The following ZFAT variants were observed in gnomAD, a reference collection of about 807,000 sequenced individuals.
ZFAT encodes zinc finger and AT-hook domain containing.
In ZFAT, 64 loss-of-function variants were observed where a neutral mutation model predicts 117.7. The ratio of observed to expected loss-of-function variants is 0.54; its 90% CI spans 0.44 to 0.67. The LOEUF (loss-of-function observed/expected upper bound fraction) is 0.67. Ranked by LOEUF, ZFAT falls within the 30% of genes least tolerant of loss-of-function variation. The probability of loss-of-function intolerance (pLI) is 0.00; values close to 1 mark genes in which losing one functional copy is unlikely to be tolerated. For missense variants in ZFAT, 1,433 were observed against 1,584.5 expected, an observed-to-expected ratio of 0.90 and a Z score of 1.62; for synonymous variants, 679 against 615.0, an observed-to-expected ratio of 1.10 and a Z score of -1.54.
At chr8:134,755,367 CGT>C in the ZFAT span, among the ~76,000 whole-genome samples, 1 of 142,400 alleles carries the variant, frequency 7.0e-6, no homozygotes, top group African/African-American at 2.7e-5. Context: ...GAGCCAAGAT[CGT>C]GTCTCTGCAC....
In ZFAT at chr8:134,655,923, G is replaced by A. The variant is rs143714920; in HGVS notation, c.196+1638C>T. 3.0e-3 allele frequency among the ~76,000 whole-genome samples: 450 copies of A among 151,964 alleles called. 4 individuals carry two copies. The highest frequency in any genetic ancestry group is 0.01 in the African/African-American group (425 of 41,440). ...ACAAAACTTAGCTGGGTGTGGTGGC[G>A]GGCACCTGTAGTCACAGCTGCTCAG... On this transcript the variant is annotated intron_variant, in intron 2 of 15. Coordinates refer to ENST00000377838, the MANE Select transcript of ZFAT (RefSeq NM_020863.4).
chr8:134,588,038 T>C (rs1826193580), intron 9 of ZFAT, among the ~76,000 whole-genome samples: 1 of 152,084 alleles, frequency 6.6e-6, no homozygotes, highest in Non-Finnish European at 1.5e-5. Context: ...TATGAAGGAG[T>C]GCACACCTCT....
intron 7 of ZFAT, among the ~76,000 whole-genome samples, chr8:134,593,142 C>T (rs1407008394): frequency 2.6e-5 from 4 of 152,208 alleles, no homozygotes; most frequent in South Asian, 2.1e-4. Context: ...GGCTGCCTCT[C>T]GGTGCCCGCA....
chr8:134,684,169 G>A (rs945597990), intron 1 of ZFAT, among the ~76,000 whole-genome samples: 2 of 152,094 alleles, frequency 1.3e-5, no homozygotes, highest in South Asian at 2.1e-4. Flanking sequence ...CAGAGGAGAC[G>A]ACCCAGCACC....
chr8:134,736,927 C>T, the ZFAT span, among the ~76,000 whole-genome samples: 28 of 152,184 alleles, frequency 1.8e-4, no homozygotes, highest in African/African-American at 6.5e-4. Context: ...AGAGGTTCTG[C>T]GTAGGCTTTC....
chr8:134,497,209 A>AG (rs2130211919), intron 15 of ZFAT, among the ~76,000 whole-genome samples: 1 of 152,276 alleles, frequency 6.6e-6, no homozygotes, highest in Non-Finnish European at 1.5e-5. Context: ...AGACGTTCTG[A>AG]GTTATTGGAG....
intron 1 of ZFAT, among the ~76,000 whole-genome samples, chr8:134,670,338 C>A (rs1832493767): frequency 6.6e-6 from 1 of 152,226 alleles, no homozygotes; most frequent in Non-Finnish European, 1.5e-5. Context: ...CCAAAATTGA[C>A]CACATAGTTG....
In ZFAT at chr8:134,601,508, C is replaced by T. The variant is rs1358237842; in HGVS notation, c.2211G>A (p.Lys737=). 1.2e-6 allele frequency: 2 copies of T among 1,613,738 alleles called. No homozygotes were observed. The highest frequency in any genetic ancestry group is 8.5e-7 in the Non-Finnish European group (1 of 1,179,722). The change falls in exon 6 of 16, where the codon AAG becomes AAA. Residue 737 remains lysine (K), a synonymous_variant. Transcript: ENST00000377838. ...MNTSLCERIR[K]VYGDLECEYC... ...ATTCACACTCCAGGTCTCCATAAAC[C>T]TTCCGGATCCGCTCACACAAGCTGG...
At chr8:134,556,142 A>G (rs1479116245) in intron 11 of ZFAT, among the ~76,000 whole-genome samples, 1 of 152,214 alleles carries the variant, frequency 6.6e-6, no homozygotes, top group Non-Finnish European at 1.5e-5. Context: ...TGAAGATCCT[A>G]GAAGTTTTAT....
At chr8:134,730,719 C>T in the ZFAT span, among the ~76,000 whole-genome samples, 1 of 152,168 alleles carries the variant, frequency 6.6e-6, no homozygotes, top group African/African-American at 2.4e-5. Context: ...TTTCATTGAA[C>T]TCCCTCAGTT....
At chr8:134,764,428 AT>A in the ZFAT span, among the ~76,000 whole-genome samples, 1 of 152,228 alleles carries the variant, frequency 6.6e-6, no homozygotes, top group African/African-American at 2.4e-5. Flanking sequence ...ATTGGCTTGA[AT>A]GGTTTTAAGT....
rs1424848734 is a variant in ZFAT at position 134,563,701 on chromosome 8, C to G, written c.2976+1632G>C. ...TTCAAAGACGGAAGATAATATGTAC[C>G]ATGAAGGAGATTCTAGATGATGAAC... On this transcript the variant is annotated intron_variant, in intron 11 of 15. Transcript: ENST00000377838. Among the ~76,000 whole-genome samples the G allele has an allele frequency of 5.3e-5, 8 of 152,214 alleles. No homozygotes were observed. The East Asian group carries it at 1.5e-3, about 29-fold the overall frequency.
chr8:134,587,631 C>G (rs1052522679), intron 9 of ZFAT, among the ~76,000 whole-genome samples: 1 of 152,160 alleles, frequency 6.6e-6, no homozygotes, highest in Non-Finnish European at 1.5e-5. Flanking sequence ...GGGGAGAAAA[C>G]AAAGTTGACG....
chr8:134,601,613 G>A lies in ZFAT; in HGVS notation c.2106C>T (p.Cys702=). 1 of 1,614,244 alleles carries A rather than the reference G, an allele frequency of 6.2e-7. No homozygotes were observed. The highest frequency in any genetic ancestry group is 8.5e-7 in the Non-Finnish European group (1 of 1,180,050). Residue 702 remains cysteine, a synonymous_variant, in exon 6 of 16, where the codon TGC becomes TGT. Transcript: ENST00000377838. Reference sequence around the variant, plus strand: ...CTGACCGGTGCTCAGGGGCAGCTTTGCAAGAGTCAGGCTGATGTGTGATGG... The same window carrying A: ...CTGACCGGTGCTCAGGGGCAGCTTTACAAGAGTCAGGCTGATGTGTGATGG... ...GDTITHQPDS[C]KAAPEHRSGI... is the part of the protein sequence containing the mutation.
At chr8:134,761,692 C>T in the ZFAT span, among the ~76,000 whole-genome samples, 1 of 151,676 alleles carries the variant, frequency 6.6e-6, no homozygotes, top group Non-Finnish European at 1.5e-5. Context: ...AAGCGAGACT[C>T]CGTTTCAAAA....
chr8:134,488,008 G>T (rs1817773597), intron 15 of ZFAT, among the ~76,000 whole-genome samples: 1 of 152,212 alleles, frequency 6.6e-6, no homozygotes, highest in African/African-American at 2.4e-5. Flanking sequence ...GCCCCACCAG[G>T]ACTTGACCTC....
the ZFAT span, among the ~76,000 whole-genome samples, chr8:134,719,910 C>A: frequency 6.6e-6 from 1 of 152,222 alleles, no homozygotes. Context: ...CCCCAATGAA[C>A]TATGCCTCCT....
rs754152351 is a variant in ZFAT, at chr8:134,532,916, C to A, written c.3033G>T (p.Arg1011=). The A allele has an allele frequency of 2.5e-6, 4 of 1,609,014 alleles. No homozygotes were observed. The highest frequency in any genetic ancestry group is 2.2e-5 in the East Asian group (1 of 44,748). The change falls in exon 12 of 16, where the codon CGG becomes CGT. Residue 1011 remains arginine (R), a synonymous_variant. Transcript: ENST00000377838. ...CATTAGGGTGCTTCCTGTTGTAGTGCCGCTTCAGAGAGCCAGATATGTTGC... is the reference window on the plus strand; with the variant it reads ...CATTAGGGTGCTTCCTGTTGTAGTGACGCTTCAGAGAGCCAGATATGTTGC... ...YSCNISGSLK[R]HYNRKHPNEE...
At chr8:134,523,897 G>A (rs1433225136) in intron 12 of ZFAT, among the ~76,000 whole-genome samples, 1 of 152,154 alleles carries the variant, frequency 6.6e-6, no homozygotes, top group Non-Finnish European at 1.5e-5. Flanking sequence ...ACTCTCTAAT[G>A]GATTTCCCTA....
Sources: gnomAD v4.1 joint callset for allele counts (sites outside exome capture counted in the v4.1 genomes callset) on GRCh38, gnomAD v4.1.1 for gene constraint, MANE v1.5 for transcripts, NCBI Gene and HGNC (gene_info 2026-07-23, HGNC 2026-07-21) for gene names.